OR1L8: variants seen among roughly 807,000 people sequenced by gnomAD.
OR1L8 encodes the protein olfactory receptor family 1 subfamily L member 8, also known as olfactory receptor 1L8.
For synonymous variants in OR1L8, 148 were observed against 147.0 expected, an observed-to-expected ratio of 1.01 and a Z score of -0.05; for missense variants, 330 against 377.4, an observed-to-expected ratio of 0.87 and a Z score of 1.04.
the OR1L8 span, among the ~76,000 whole-genome samples, chr9:122,561,876 A>G: frequency 6.6e-6 from 1 of 152,302 alleles, no homozygotes; most frequent in East Asian, 1.9e-4. Context: ...TGGAGGGGGT[A>G]TGCTGTGCTG....
chr9:122,551,816 GTCT>G, the OR1L8 span, among the ~76,000 whole-genome samples: 1 of 152,062 alleles, frequency 6.6e-6, no homozygotes, highest in Non-Finnish European at 1.5e-5. Flanking sequence ...AGATATTCCT[GTCT>G]TCTTATGCCC....
rs754821071 is a variant in OR1L8 at position 122,567,525 on chromosome 9, C to G, written c.*23G>C. The G allele has an allele frequency of 2.0e-6, 3 of 1,509,842 alleles. No homozygotes were observed. In the South Asian group the frequency reaches 3.9e-5, roughly 20 times the overall value. The allele number at this position is 1,509,842 out of a possible 1,614,324, so 93.5% of individuals were successfully genotyped here. A position where few individuals can be genotyped will look rare whatever the true frequency, so the allele number is the denominator to read the frequency against. On this transcript the variant is annotated 3_prime_UTR_variant, in exon 5 of 5. Coordinates refer to ENST00000641027, the MANE Select transcript of OR1L8 (RefSeq NM_001004454.2). ...GTCCAAGTTGAGCAGATTCCACTTA[C>G]GAGTTTTTCAAGAGGGTGCTTCCTA... is the stretch of plus-strand genomic sequence containing the variant.
rs1287942784 is a variant in OR1L8 at position 122,567,126 on chromosome 9, CTTCA to C, written c.*418_*421del. On this transcript the variant is annotated 3_prime_UTR_variant, in exon 5 of 5. Transcript: ENST00000641027. ...AGCTAAAATATATATCCTCCTCTTCCTTCATTCTTTCTCTTTTCAATTTTTTTGC... is the reference window on the plus strand; with the variant it reads ...AGCTAAAATATATATCCTCCTCTTCCTTCTTTCTCTTTTCAATTTTTTTGC... 1 of 144,554 alleles carries C rather than the reference CTTCA, an allele frequency of 6.9e-6. No individual in the cohort carries two copies. The highest frequency in any genetic ancestry group is 1.4e-5 in the Non-Finnish European group (1 of 69,258). The allele number at this position is 144,554 out of a possible 1,614,324, so 9.0% of individuals were successfully genotyped here.
chr9:122,549,569 T>C, the OR1L8 span, among the ~76,000 whole-genome samples: 108,649 of 152,136 alleles, frequency 0.71, 39,627 homozygotes, highest in East Asian at 0.99. Context: ...CAGTTTCATT[T>C]TTCCGCATAT....
In OR1L8 at chr9:122,568,421, G is replaced by A; in HGVS notation, c.57C>T (p.Ser19=). The A allele has an allele frequency of 6.2e-7, 1 of 1,613,210 alleles. No homozygotes were observed. The highest frequency in any genetic ancestry group is 8.5e-7 in the Non-Finnish European group (1 of 1,179,342). ...SVSEFILLGL[S]SRPEDQKTLF... ...GTGTCTTTTGGTCCTCAGGCCGGGA[G>A]GAGAGTCCCAGGAGGATAAACTCGG... Residue 19 remains serine, a synonymous_variant, in exon 5 of 5, where the codon TCC becomes TCT. Transcript: ENST00000641027.
At chr9:122,555,618 A>G in the OR1L8 span, among the ~76,000 whole-genome samples, 1 of 152,278 alleles carries the variant, frequency 6.6e-6, no homozygotes, top group African/African-American at 2.4e-5. Flanking sequence ...AAAGATATCT[A>G]CCTCAAGGAA....
downstream of OR1L8, among the ~76,000 whole-genome samples, chr9:122,566,754 T>C (rs979177888): frequency 7.1e-6 from 1 of 141,586 alleles, no homozygotes; most frequent in Non-Finnish European, 1.6e-5. Context: ...TATAATAATA[T>C]TTCTATAGGC....
At chr9:122,553,420 CA>C in the OR1L8 span, 1 of 1,614,150 alleles carries the variant, frequency 6.2e-7, no homozygotes, top group South Asian at 1.1e-5. Context: ...GCCAACCTGT[CA>C]TTAACTGATG....
In OR1L8 at chr9:122,568,210, T is replaced by C. The variant is rs760225227; in HGVS notation, c.268A>G (p.Lys90Glu). ...PKMLMNFLSE[K>E]KTISYAGCLT... The stretch of plus-strand genomic sequence containing the variant: ...CACCCAGCATAGGAGATGGTCTTCT[T>C]TTCTGACAGGAAGTTCATCAGCATC... Residue 90 changes from lysine to glutamate, a missense_variant, in exon 5 of 5, where the codon AAG (lysine) becomes GAG (glutamate). By Grantham distance (56) the Lys-to-Glu change is moderately conservative. Transcript: ENST00000641027. The C allele has an allele frequency of 6.2e-7, 1 of 1,614,196 alleles. No homozygotes were observed. Among genetic ancestry groups the C allele is most frequent in the Non-Finnish European group, 8.5e-7 (1 of 1,180,020 alleles).
chr9:122,550,925 A>G, the OR1L8 span, among the ~76,000 whole-genome samples: 9 of 145,942 alleles, frequency 6.2e-5, no homozygotes, highest in East Asian at 2.0e-4. Flanking sequence ...ACAATCAGGG[A>G]AAAAAAAAAA....
At chr9:122,558,644 A>T in the OR1L8 span, among the ~76,000 whole-genome samples, 3 of 151,592 alleles carry the variant, frequency 2.0e-5, no homozygotes, top group Admixed American at 6.6e-5. Context: ...GGTCCAAATT[A>T]TTAGGTTTGC....
intron 4 of OR1L8, among the ~76,000 whole-genome samples, chr9:122,571,679 G>A (rs1359528693): frequency 2.0e-5 from 3 of 150,796 alleles, no homozygotes; most frequent in Admixed American, 6.6e-5. Flanking sequence ...TTGCACCACT[G>A]CACTCCAGCC....
At chr9:122,566,628 G>T (rs1363451262), downstream of OR1L8, among the ~76,000 whole-genome samples, 1 of 152,066 alleles carries the variant, frequency 6.6e-6, no homozygotes, top group Non-Finnish European at 1.5e-5. Context: ...GTTTTAGGTT[G>T]TTGCCATTTT....
the OR1L8 span, among the ~76,000 whole-genome samples, chr9:122,556,519 G>A: frequency 6.6e-6 from 1 of 152,050 alleles, no homozygotes; most frequent in Non-Finnish European, 1.5e-5. Context: ...GCCTGTTGGG[G>A]GTTAGGGGAC....
the OR1L8 span, among the ~76,000 whole-genome samples, chr9:122,548,571 T>C: frequency 6.6e-6 from 1 of 150,792 alleles, no homozygotes; most frequent in Non-Finnish European, 1.5e-5. Context: ...ATATCTTTTG[T>C]CCAATTTTTT....
At chr9:122,572,602 G>T (rs1829573355) in intron 4 of OR1L8, among the ~76,000 whole-genome samples, 178 bp downstream of exon 4, 1 of 151,878 alleles carries the variant, frequency 6.6e-6, no homozygotes, top group Non-Finnish European at 1.5e-5. Context: ...TACTAATAGG[G>T]TTTTGCTGCT....
At chr9:122,553,536 A>G in the OR1L8 span, 15 of 1,613,704 alleles carry the variant, frequency 9.3e-6, no homozygotes, top group African/African-American at 1.3e-5. Context: ...TTTCCTCCTT[A>G]TGTTTGGTGG....
the OR1L8 span, among the ~76,000 whole-genome samples, chr9:122,548,688 C>T: frequency 6.7e-6 from 1 of 149,316 alleles, no homozygotes; most frequent in Non-Finnish European, 1.5e-5. Flanking sequence ...TGGTGTGCTG[C>T]ACCCATTAAC....
intron 4 of OR1L8, among the ~76,000 whole-genome samples, chr9:122,572,453 G>C (rs1041325289): frequency 3.3e-5 from 5 of 152,174 alleles, no homozygotes; most frequent in South Asian, 4.1e-4. Context: ...GATCACCCAT[G>C]CTTATCACGG....
Sources: gnomAD v4.1 joint callset for allele counts (sites outside exome capture counted in the v4.1 genomes callset) on GRCh38, gnomAD v4.1.1 for gene constraint, MANE v1.5 for transcripts, NCBI Gene and HGNC (gene_info 2026-07-23, HGNC 2026-07-21) for gene names.